Variants in SLC35D4 observed in about 807,000 individuals in gnomAD.
The protein encoded by SLC35D4 is UDP-N-acetylglucosamine transporter SLC35D4.
At chr18:23,426,928 T>C in the SLC35D4 span, among the ~76,000 whole-genome samples, 1 of 152,228 alleles carries the variant, frequency 6.6e-6, no homozygotes, top group African/African-American at 2.4e-5. Context: ...AAGGATTCCC[T>C]ATTTAATAAA....
At chr18:23,256,912 T>A in the SLC35D4 span, among the ~76,000 whole-genome samples, 4 of 152,242 alleles carry the variant, frequency 2.6e-5, no homozygotes, top group Admixed American at 1.3e-4. Flanking sequence ...CTCTCTGACT[T>A]CTTGGAGCCC....
At chr18:23,425,719 T>A in the SLC35D4 span, among the ~76,000 whole-genome samples, 1,435 of 152,332 alleles carry the variant, frequency 9.4e-3, 16 homozygotes, top group Non-Finnish European at 0.014. Context: ...CACACCATTG[T>A]ACAGTCAAAC....
chr18:23,390,619 G>C, the SLC35D4 span, among the ~76,000 whole-genome samples: 1 of 152,032 alleles, frequency 6.6e-6, no homozygotes, highest in Admixed American at 6.6e-5. Context: ...AATTTTGAAG[G>C]CTTGGTTATT....
At chr18:23,331,638 A>C in the SLC35D4 span, 1 of 152,926 alleles carries the variant, frequency 6.5e-6, no homozygotes, top group Non-Finnish European at 1.5e-5. Flanking sequence ...TGGCTTGCTG[A>C]GCATTTATAC....
chr18:23,305,488 C>T, the SLC35D4 span, among the ~76,000 whole-genome samples: 1 of 152,222 alleles, frequency 6.6e-6, no homozygotes, highest in African/African-American at 2.4e-5. Flanking sequence ...ATAAGCATCT[C>T]TGGACCTCAG....
the SLC35D4 span, among the ~76,000 whole-genome samples, chr18:23,290,955 C>A: frequency 2.0e-5 from 3 of 152,236 alleles, no homozygotes; most frequent in South Asian, 6.2e-4. Flanking sequence ...ATTCTATTCC[C>A]GTGTTTGTTC....
chr18:23,404,075 G>A, the SLC35D4 span, among the ~76,000 whole-genome samples: 1 of 152,044 alleles, frequency 6.6e-6, no homozygotes, highest in Non-Finnish European at 1.5e-5. Context: ...CCGAGACTGT[G>A]CCACTGCACT....
At chr18:23,411,555 T>C in the SLC35D4 span, among the ~76,000 whole-genome samples, 1 of 105,156 alleles carries the variant, frequency 9.5e-6, no homozygotes, top group Admixed American at 9.3e-5. Context: ...GAAAGAAAGG[T>C]GTGTGCTGTA....
chr18:23,301,992 C>T, the SLC35D4 span, among the ~76,000 whole-genome samples: 1 of 152,146 alleles, frequency 6.6e-6, no homozygotes, highest in Non-Finnish European at 1.5e-5. Flanking sequence ...ATATTGAGTA[C>T]TTCGGTTTAT....
At chr18:23,274,447 C>T in the SLC35D4 span, among the ~76,000 whole-genome samples, 1 of 152,326 alleles carries the variant, frequency 6.6e-6, no homozygotes, top group African/African-American at 2.4e-5. Flanking sequence ...AATTCCATGC[C>T]TTAGGACAAG....
the SLC35D4 span, among the ~76,000 whole-genome samples, chr18:23,330,473 GA>G: frequency 6.6e-6 from 1 of 152,208 alleles, no homozygotes; most frequent in South Asian, 2.1e-4. Flanking sequence ...AAGTTAAGGG[GA>G]AAGTTATTTG....
At chr18:23,282,370 C>G in the SLC35D4 span, among the ~76,000 whole-genome samples, 1,321 of 152,338 alleles carry the variant, frequency 8.7e-3, 16 homozygotes, top group African/African-American at 0.031. Flanking sequence ...GTTTGTTTTA[C>G]TAACGGTAAA....
the SLC35D4 span, among the ~76,000 whole-genome samples, chr18:23,244,481 T>C: frequency 6.6e-6 from 1 of 152,266 alleles, no homozygotes; most frequent in Non-Finnish European, 1.5e-5. Flanking sequence ...AGTTTCCTTG[T>C]GATTTACTGT....
chr18:23,361,356 A>G, the SLC35D4 span, among the ~76,000 whole-genome samples: 1 of 151,990 alleles, frequency 6.6e-6, no homozygotes, highest in East Asian at 1.9e-4. Flanking sequence ...CAAGTGAAAA[A>G]GAATAAAGTT....
chr18:23,435,709 T>G, the SLC35D4 span, among the ~76,000 whole-genome samples: 21 of 152,272 alleles, frequency 1.4e-4, no homozygotes. Context: ...CTTTTGTTGT[T>G]GTTCAGACGA....
At chr18:23,424,778 G>A in the SLC35D4 span, among the ~76,000 whole-genome samples, 2 of 152,140 alleles carry the variant, frequency 1.3e-5, no homozygotes, top group Admixed American at 1.3e-4. Flanking sequence ...TTGAGGCCAG[G>A]AGTTCAAAGC....
chr18:23,276,245 G>A, the SLC35D4 span, among the ~76,000 whole-genome samples: 1 of 151,866 alleles, frequency 6.6e-6, no homozygotes, highest in Admixed American at 6.6e-5. Flanking sequence ...CCACCAAAAC[G>A]TCCGGCTAAT....
the SLC35D4 span, among the ~76,000 whole-genome samples, chr18:23,333,877 C>T: frequency 2.0e-5 from 3 of 152,114 alleles, no homozygotes; most frequent in African/African-American, 7.2e-5. Context: ...AATAATGGCT[C>T]CTAATTCCAT....
chr18:23,409,729 G>A, the SLC35D4 span, among the ~76,000 whole-genome samples: 221 of 151,710 alleles, frequency 1.5e-3, no homozygotes, highest in African/African-American at 4.9e-3. Flanking sequence ...TTGTAGTCCC[G>A]GCTACTTGGG....
Sources: allele counts gnomAD v4.1 joint callset (sites outside exome capture counted in the v4.1 genomes callset), GRCh38; gene constraint gnomAD v4.1.1; transcripts MANE v1.5; gene names NCBI Gene and HGNC (gene_info 2026-07-23, HGNC 2026-07-21).